The following CEP135 variants were observed in gnomAD, a reference collection of about 807,000 sequenced individuals.
CEP135 encodes centrosomal protein 135.
Under a neutral mutation model 157.3 loss-of-function variants are expected in CEP135, and 142 were observed. That is an observed-to-expected ratio of 0.90 (90% CI 0.79 to 1.04). CEP135 has a LOEUF of 1.04. Among genes scored for constraint, CEP135 ranks in the 50% least tolerant of loss-of-function variants. CEP135 has a pLI of 0.00. For synonymous variants in CEP135, 396 were observed against 439.8 expected, an observed-to-expected ratio of 0.90 and a Z score of 1.25; for missense variants, 1,317 against 1,309.2, an observed-to-expected ratio of 1.01 and a Z score of -0.09.
At chr4:56,004,970 T>C (rs1730305672) in intron 17 of CEP135, among the ~76,000 whole-genome samples, 1 of 149,570 alleles carries the variant, frequency 6.7e-6, no homozygotes, top group Admixed American at 6.8e-5. Flanking sequence ...GTTTTATAAC[T>C]CTTCTCTTTC....
At chr4:55,952,570 T>C (rs1397165448) in intron 2 of CEP135, 1 of 192,864 alleles carries the variant, frequency 5.2e-6, no homozygotes. Flanking sequence ...CTATGTCTGC[T>C]TCACTGGTCT....
chr4:55,969,167 A>G (rs1302681086), intron 9 of CEP135, 39 bp downstream of exon 9: 1 of 1,581,520 alleles, frequency 6.3e-7, no homozygotes, highest in Non-Finnish European at 8.7e-7. Context: ...CATTTTCAGT[A>G]AGAAAATTTT....
intron 10 of CEP135, 126 bp downstream of exon 10, chr4:55,971,534 A>G (rs2109667805): frequency 2.2e-6 from 2 of 898,040 alleles, no homozygotes. Context: ...CCATTAGTCA[A>G]AAACCATAGT....
intron 6 of CEP135, 22 bp from the exon 7 acceptor site, chr4:55,964,252 G>T: frequency 6.3e-7 from 1 of 1,577,104 alleles, no homozygotes; most frequent in South Asian, 1.2e-5. Context: ...TTTTTAAAAT[G>T]ACAGCATGAC....
At chr4:56,031,230 TGTGGG>T (rs1731337705) in intron 25 of CEP135, 125 bp from the exon 26 acceptor site, 8 of 152,626 alleles carry the variant, frequency 5.2e-5, no homozygotes, top group Non-Finnish European at 1.2e-4. Flanking sequence ...TATAACTGGA[TGTGGG>T]GCACAGAGTT....
At position 56,021,088 on chromosome 4, in the gene CEP135, G is replaced by A. The variant is rs78450752; in HGVS notation, c.3320+308G>A. Among the ~76,000 whole-genome samples the A allele has an allele frequency of 0.011, 1,646 of 152,176 alleles. 24 individuals carry two copies. Among genetic ancestry groups the A allele is most frequent in the African/African-American group, 0.038 (1,558 of 41,514 alleles). On this transcript the variant is annotated intron_variant, in intron 24 of 25. Coordinates refer to ENST00000257287, the MANE Select transcript of CEP135 (RefSeq NM_025009.5). ...GGATAAATATTTCCTATAGCATTCC[G>A]CAGGACAAAATTAGAATCCAAAAGT...
chr4:56,008,497 T>G (rs1730440237), intron 18 of CEP135, 115 bp downstream of exon 18: 1 of 791,518 alleles, frequency 1.3e-6, no homozygotes, highest in Non-Finnish European at 2.0e-6. Flanking sequence ...TTCCCCATTT[T>G]TGTCAATGGT....
In CEP135 at chr4:55,980,213, T is replaced by C; in HGVS notation, c.1544T>C (p.Phe515Ser). Residue 515 changes from phenylalanine (F) to serine (S), a missense_variant, in exon 12 of 26, where the codon TTT becomes TCT. Physicochemically the swap from Phe to Ser is radical, Grantham distance 155. Transcript: ENST00000257287. ...GAACTTCAGCGTATGCTAGAAAGAT[T>C]TGAAAAATATATGGAAGATATACAG... ...RDELQRMLER[F>S]EKYMEDIQSN... The C allele has an allele frequency of 6.2e-7, 1 of 1,600,334 alleles. No individual in the cohort carries two copies. Among genetic ancestry groups the C allele is most frequent in the Non-Finnish European group, 8.6e-7 (1 of 1,168,332 alleles).
At chr4:56,006,396 A>G (rs1346810190) in intron 17 of CEP135, among the ~76,000 whole-genome samples, 1 of 152,166 alleles carries the variant, frequency 6.6e-6, no homozygotes, top group Non-Finnish European at 1.5e-5. Flanking sequence ...AGCTCAGGAA[A>G]TGTATTTCTC....
chr4:55,951,713 T>G, intron 1 of CEP135, among the ~76,000 whole-genome samples: 1 of 152,206 alleles, frequency 6.6e-6, no homozygotes, highest in East Asian at 1.9e-4. Context: ...CTATTTTAAT[T>G]GAGTATTTTG....
chr4:56,004,068 A>G (rs1350050087), intron 17 of CEP135, among the ~76,000 whole-genome samples: 1 of 151,992 alleles, frequency 6.6e-6, no homozygotes, highest in Non-Finnish European at 1.5e-5. Flanking sequence ...CCCTCTTAGC[A>G]CTGTTTTTGC....
chr4:55,987,871 A>T (rs1729639950), intron 14 of CEP135, among the ~76,000 whole-genome samples: 1 of 152,198 alleles, frequency 6.6e-6, no homozygotes, highest in African/African-American at 2.4e-5. Flanking sequence ...ACATAATAGA[A>T]TGTGGGAGAG....
chr4:56,006,316 G>A (rs1371713314), intron 17 of CEP135, among the ~76,000 whole-genome samples: 1 of 152,096 alleles, frequency 6.6e-6, no homozygotes, highest in Non-Finnish European at 1.5e-5. Flanking sequence ...CAAATAGCTT[G>A]TCTTCAAGCT....
At chr4:55,951,806 T>C (rs904894067) in intron 1 of CEP135, among the ~76,000 whole-genome samples, 1 of 152,214 alleles carries the variant, frequency 6.6e-6, no homozygotes, top group Non-Finnish European at 1.5e-5. Context: ...GAGGCCTCTC[T>C]GAGAAGTCTC....
intron 11 of CEP135, among the ~76,000 whole-genome samples, chr4:55,976,643 C>T (rs1729232803): frequency 6.6e-6 from 1 of 152,058 alleles, no homozygotes; most frequent in African/African-American, 2.4e-5. Context: ...AATTTATTTT[C>T]TAGAGTTCAG....
intron 4 of CEP135, among the ~76,000 whole-genome samples, chr4:55,956,886 T>G (rs1728523945): frequency 6.6e-6 from 1 of 152,180 alleles, no homozygotes; most frequent in South Asian, 2.1e-4. Context: ...AGTGCTGGGA[T>G]TATAGGTGTG....
At chr4:56,010,171 G>GA (rs1278506767) in intron 19 of CEP135, among the ~76,000 whole-genome samples, 1 of 81,328 alleles carries the variant, frequency 1.2e-5, no homozygotes, top group African/African-American at 5.7e-5. Context: ...CCAACATTGT[G>GA]AAAACCCCCC....
intron 23 of CEP135, 51 bp downstream of exon 23, chr4:56,019,606 T>C (rs1417896755): frequency 4.2e-6 from 6 of 1,444,462 alleles, no homozygotes; most frequent in Non-Finnish European, 5.7e-6. Context: ...TGAAGGATAG[T>C]TTTTTAATTT....
At chr4:55,957,083 A>C in intron 4 of CEP135, 140 bp from the exon 5 acceptor site, 2 of 823,398 alleles carry the variant, frequency 2.4e-6, no homozygotes, top group Non-Finnish European at 3.8e-6. Flanking sequence ...GGATATTTAT[A>C]TATTGATGGA....
Sources: allele counts gnomAD v4.1 joint callset (sites outside exome capture counted in the v4.1 genomes callset), GRCh38; gene constraint gnomAD v4.1.1; transcripts MANE v1.5; gene names NCBI Gene and HGNC (gene_info 2026-07-23, HGNC 2026-07-21).